ZNHIT6: variants seen among roughly 807,000 people sequenced by gnomAD.
The protein encoded by ZNHIT6 is box C/D snoRNA protein 1.
In ZNHIT6, 45 loss-of-function variants were observed where a neutral mutation model predicts 57.2. That is an observed-to-expected ratio of 0.79 (90% CI 0.62 to 1.01). The LOEUF is 1.01. Among genes scored for constraint, ZNHIT6 ranks in the 50% least tolerant of loss-of-function variants. The pLI, the probability that ZNHIT6 is intolerant of heterozygous loss-of-function variation, is 0.00. For synonymous variants in ZNHIT6, 188 were observed against 190.0 expected (o/e 0.99, Z 0.09); for missense variants, 528 against 567.3 (o/e 0.93, Z 0.70).
chr1:85,685,689 G>A (rs553631834), intron 5 of ZNHIT6, among the ~76,000 whole-genome samples: 7 of 151,290 alleles, frequency 4.6e-5, no homozygotes, highest in Admixed American at 3.3e-4. Flanking sequence ...TGATCCTCTC[G>A]CCTCAGCCCC....
At chr1:85,670,294 G>T (rs1661522824) in intron 8 of ZNHIT6, among the ~76,000 whole-genome samples, 1 of 152,088 alleles carries the variant, frequency 6.6e-6, no homozygotes. Context: ...TGCTACAATG[G>T]TAGAATTGAC....
intron 6 of ZNHIT6, 97 bp downstream of exon 6, chr1:85,680,739 G>A (rs888041624): frequency 2.4e-6 from 2 of 849,146 alleles, no homozygotes; most frequent in Middle Eastern, 2.6e-4. Context: ...CCACAATTTA[G>A]TTATCCATTC....
At chr1:85,670,274 G>T (rs1432204169) in intron 8 of ZNHIT6, among the ~76,000 whole-genome samples, 1 of 152,118 alleles carries the variant, frequency 6.6e-6, no homozygotes, top group Non-Finnish European at 1.5e-5. Flanking sequence ...GTGGTCTATA[G>T]TTGCTTACGT....
Position 85,670,883 on chromosome 1 carries a change from GAAC to G in ZNHIT6, c.1247+6350_1247+6352del, listed in dbSNP as rs1418084612. Among the ~76,000 whole-genome samples, 4 of 152,142 alleles carry G rather than the reference GAAC, an allele frequency of 2.6e-5. No homozygotes were observed. In the East Asian group the frequency reaches 5.8e-4, roughly 22 times the overall value. On this transcript the variant is annotated intron_variant, in intron 8 of 9. Transcript: ENST00000370574. ...GCAAGGTCTTACGCCTGGCTTACTA[GAAC>G]AACAGTGCCAGTAATAGAAAATGCG...
chr1:85,698,249 C>A (rs1662433070), intron 5 of ZNHIT6, among the ~76,000 whole-genome samples: 1 of 152,144 alleles, frequency 6.6e-6, no homozygotes, highest in Non-Finnish European at 1.5e-5. Context: ...TTTGACTATT[C>A]AGTGAAAATT....
At chr1:85,680,227 AAAAAG>A (rs1251342001) in intron 6 of ZNHIT6, among the ~76,000 whole-genome samples, 1 of 152,260 alleles carries the variant, frequency 6.6e-6, no homozygotes, top group Non-Finnish European at 1.5e-5. Context: ...AAAAATAAAG[AAAAAG>A]AAAAGAACAA....
chr1:85,658,768 G>C (rs1056672569), intron 8 of ZNHIT6, among the ~76,000 whole-genome samples: 7 of 152,080 alleles, frequency 4.6e-5, no homozygotes, highest in East Asian at 1.9e-4. Flanking sequence ...CTACTCGGGA[G>C]GCTGAGGTGG....
intron 4 of ZNHIT6, among the ~76,000 whole-genome samples, chr1:85,705,552 C>G (rs1246323041): frequency 6.6e-6 from 1 of 152,180 alleles, no homozygotes; most frequent in Non-Finnish European, 1.5e-5. Flanking sequence ...TCAATACTCT[C>G]CTCCTCACTC....
At chr1:85,692,718 TAAA>T (rs11328038) in intron 5 of ZNHIT6, among the ~76,000 whole-genome samples, 7 of 145,296 alleles carry the variant, frequency 4.8e-5, no homozygotes, top group Non-Finnish European at 6.0e-5. Flanking sequence ...GATACCATGT[TAAA>T]AAAAAAAAAA....
rs116752204 is a variant in ZNHIT6, at chr1:85,693,780, C to T, written c.1019+8377G>A. ...ACGGAATATATAAATTAACTGAGTT[C>T]TAAAATAAATGTCAACTTAAGATAT... On this transcript the variant is annotated intron_variant, in intron 5 of 9. Transcript: ENST00000370574. Among the ~76,000 whole-genome samples, 768 of 152,198 alleles carry T rather than the reference C, an allele frequency of 5.0e-3. 4 individuals carry two copies. Among genetic ancestry groups the T allele is most frequent in the African/African-American group, 0.017 (726 of 41,536 alleles).
In ZNHIT6 at chr1:85,682,992, G is replaced by A. The variant is rs372815923; in HGVS notation, c.1020-2088C>T. ...AGCAATTTGGGAGGCCAAGGTGGGC[G>A]CATCGTTTGAGCCCAGGAGTTTGAG... On this transcript the variant is annotated intron_variant, in intron 5 of 9. Coordinates refer to ENST00000370574, the MANE Select transcript of ZNHIT6 (RefSeq NM_017953.4). Among the ~76,000 whole-genome samples, 43 of 151,280 alleles carry A rather than the reference G, an allele frequency of 2.8e-4. No homozygotes were observed. In the East Asian group the frequency reaches 2.9e-3, roughly 10 times the overall value.
chr1:85,706,118 G>GAAAAAGCATCTCTAAACAGAC lies in ZNHIT6; in HGVS notation c.874_875insGTCTGTTTAGAGATGCTTTTT (p.Ile291_Ser292insCysLeuPheArgAspAlaPhe), dbSNP rs765533316. ...TGGTCTCTTCAAAAAAGCATCTCTAGAAATATGGTCCGCTGTTCTTGCCAC... is the reference window on the plus strand; with the variant it reads ...TGGTCTCTTCAAAAAAGCATCTCTAGAAAAAGCATCTCTAAACAGACAAATATGGTCCGCTGTTCTTGCCAC... On this transcript the variant is annotated inframe_insertion, in exon 4 of 10. Coordinates refer to ENST00000370574, the MANE Select transcript of ZNHIT6 (RefSeq NM_017953.4). 4 of 1,613,636 alleles carry GAAAAAGCATCTCTAAACAGAC rather than the reference G, an allele frequency of 2.5e-6. No individual in the cohort carries two copies. In the East Asian group the frequency reaches 8.9e-5, roughly 36 times the overall value.
chr1:85,687,281 C>CAAAAAAAAAAAAAAAAAAA lies in ZNHIT6; in HGVS notation c.1020-6378_1020-6377insTTTTTTTTTTTTTTTTTTT, dbSNP rs371192859. Among the ~76,000 whole-genome samples the CAAAAAAAAAAAAAAAAAAA allele has an allele frequency of 1.5e-3, 49 of 33,588 alleles. 19 individuals are homozygous for CAAAAAAAAAAAAAAAAAAA. The highest frequency in any genetic ancestry group is 3.6e-3 in the East Asian group (3 of 822). The allele number at this position is 33,588 out of a possible 152,430, so 22.0% of individuals were successfully genotyped here. A position where few individuals can be genotyped will look rare whatever the true frequency, so the allele number is the denominator to read the frequency against. On this transcript the variant is annotated intron_variant, in intron 5 of 9. Transcript: ENST00000370574. ...GGTGACAAGAGTGAGAAGACTATCT[C>CAAAAAAAAAAAAAAAAAAA]AAAAAACAAAAAAAAAACAAAAAAA...
chr1:85,678,829 TCTA>T, intron 6 of ZNHIT6, 48 bp from the exon 7 acceptor site: 1 of 1,063,918 alleles, frequency 9.4e-7, no homozygotes, highest in Non-Finnish European at 1.3e-6. Flanking sequence ...TTTATAATTT[TCTA>T]CTAAAGGTGT....
intron 8 of ZNHIT6, among the ~76,000 whole-genome samples, chr1:85,662,135 A>T (rs888733959): frequency 6.9e-6 from 1 of 144,696 alleles, no homozygotes; most frequent in Non-Finnish European, 1.5e-5. Flanking sequence ...TCTGTACTTT[A>T]TTAGCAAATT....
At chr1:85,666,384 T>A (rs974798636) in intron 8 of ZNHIT6, among the ~76,000 whole-genome samples, 1 of 152,212 alleles carries the variant, frequency 6.6e-6, no homozygotes, top group Non-Finnish European at 1.5e-5. Context: ...ATCACTTGTT[T>A]TTAGAGAAAA....
At chr1:85,705,797 C>T (rs901191445) in intron 4 of ZNHIT6, among the ~76,000 whole-genome samples, 7 of 152,128 alleles carry the variant, frequency 4.6e-5, no homozygotes, top group Non-Finnish European at 1.0e-4. Flanking sequence ...CAACAAAGAC[C>T]ATTTTCATTC....
intron 4 of ZNHIT6, 28 bp downstream of exon 4, chr1:85,706,050 A>C: frequency 6.4e-7 from 1 of 1,557,050 alleles, no homozygotes; most frequent in Non-Finnish European, 8.7e-7. Context: ...AGGACTTCTA[A>C]CTGGAAGAAA....
At chr1:85,686,568 C>T (rs1454662261) in intron 5 of ZNHIT6, among the ~76,000 whole-genome samples, 1 of 151,952 alleles carries the variant, frequency 6.6e-6, no homozygotes, top group Non-Finnish European at 1.5e-5. Flanking sequence ...TCATCCCACT[C>T]CAACACTGAT....
Sources: gnomAD v4.1 joint callset for allele counts (sites outside exome capture counted in the v4.1 genomes callset) on GRCh38, gnomAD v4.1.1 for gene constraint, MANE v1.5 for transcripts, NCBI Gene and HGNC (gene_info 2026-07-23, HGNC 2026-07-21) for gene names.